The following SCNM1 variants were observed in gnomAD, a reference collection of about 807,000 sequenced individuals.
SCNM1 encodes the protein sodium channel modifier 1.
A neutral mutation model predicts 32.8 loss-of-function variants in SCNM1; 24 were observed. That is an observed-to-expected ratio of 0.73 (90% CI 0.53 to 1.03). The LOEUF (loss-of-function observed/expected upper bound fraction) is 1.03, where lower values mean the gene tolerates loss of function less well. Ranked by LOEUF, SCNM1 falls within the 50% of genes least tolerant of loss-of-function variation. SCNM1 has a pLI of 0.00. For missense variants in SCNM1, 274 were observed against 282.3 expected, an observed-to-expected ratio of 0.97 and a Z score of 0.21; for synonymous variants, 99 against 103.2, an observed-to-expected ratio of 0.96 and a Z score of 0.25.
In SCNM1 at chr1:151,169,245, T is replaced by G; in HGVS notation, c.*160T>G. The G allele has an allele frequency of 2.0e-6, 1 of 507,542 alleles. No individual in the cohort carries two copies. Among genetic ancestry groups the G allele is most frequent in the Non-Finnish European group, 3.1e-6 (1 of 320,586 alleles). 31.4% of individuals were successfully genotyped at this position (507,542 alleles called of 1,614,324 possible). On this transcript the variant is annotated 3_prime_UTR_variant, in exon 7 of 7. Coordinates refer to ENST00000368905, the MANE Select transcript of SCNM1 (RefSeq NM_024041.4). ...GTACACAGCTCTCCACACTCCTTTT[T>G]TTTTTTTTTTTTTTTTTGAGGCAGA...
At chr1:151,166,301 A>C in intron 1 of SCNM1, 98 bp downstream of exon 1, 1 of 1,544,106 alleles carries the variant, frequency 6.5e-7, no homozygotes, top group South Asian at 1.2e-5. Flanking sequence ...TCGGGGGTGC[A>C]GGAGAGAACC....
At chr1:151,166,296 GGTGCAGGAGAGAACCAGGC>G (rs1238895496) in intron 1 of SCNM1, 93 bp downstream of exon 1, 9 of 1,544,508 alleles carry the variant, frequency 5.8e-6, no homozygotes, top group Non-Finnish European at 7.9e-6. Flanking sequence ...ACAACTCGGG[GGTGCAGGAGAGAACCAGGC>G]GACTTAGAGC....
At chr1:151,167,437 G>A in intron 5 of SCNM1, 23 bp downstream of exon 5, 2 of 1,613,970 alleles carry the variant, frequency 1.2e-6, no homozygotes, top group Non-Finnish European at 8.5e-7. Context: ...AAAGCCAGAG[G>A]TAGGAAGGCT....
intron 2 of SCNM1, 54 bp downstream of exon 2, chr1:151,166,595 G>C (rs1683713807): frequency 2.6e-6 from 4 of 1,560,400 alleles, no homozygotes; most frequent in Non-Finnish European, 3.5e-6. Flanking sequence ...AGGCTCAATA[G>C]ACTTTTTTTT....
intron 5 of SCNM1, 68 bp downstream of exon 5, chr1:151,167,482 A>C (rs776494864): frequency 6.3e-7 from 1 of 1,582,140 alleles, no homozygotes; most frequent in Admixed American, 1.7e-5. Context: ...AGAGTTTTCC[A>C]GTGTGTATTC....
rs751543930 is a variant in SCNM1, at chr1:151,169,536, A to G, written c.*451A>G. The stretch of plus-strand genomic sequence containing the variant: ...TGGGATTACAGGCATGAGCCACCGC[A>G]CCCAGCCACGGCTATCCATACTTCT... On this transcript the variant is annotated 3_prime_UTR_variant, in exon 7 of 7. Coordinates refer to ENST00000368905, the MANE Select transcript of SCNM1 (RefSeq NM_024041.4). 1.1e-3 allele frequency: 192 copies of G among 179,266 alleles called. No individual in the cohort carries two copies. The highest frequency in any genetic ancestry group is 1.6e-3 in the Non-Finnish European group (134 of 83,348). 11.1% of individuals were successfully genotyped at this position (179,266 alleles called of 1,614,324 possible).
At position 151,168,254 on chromosome 1, in the gene SCNM1, C is replaced by T. The variant is rs1436780811; in HGVS notation, c.509C>T (p.Ala170Val). ...REPEPAAGPQ[A>V]EESATVSAPA... ...CCTGAACCTGCGGCTGGCCCACAGGCCGAGGAGTCAGCAACTGTCTCAGCC... is the reference window on the plus strand; with the variant it reads ...CCTGAACCTGCGGCTGGCCCACAGGTCGAGGAGTCAGCAACTGTCTCAGCC... The change falls in exon 6 of 7, where the codon GCC (alanine) becomes GTC (valine). Residue 170 changes from alanine (A) to valine (V), a missense_variant. Ala to Val is a moderately conservative substitution (Grantham distance 64). Transcript: ENST00000368905. 1.2e-6 allele frequency: 2 copies of T among 1,614,200 alleles called. No homozygotes were observed. The highest frequency in any genetic ancestry group is 2.2e-5 in the East Asian group (1 of 44,886).
rs753806618 is a variant in SCNM1 at position 151,167,389 on chromosome 1, A to G, written c.373A>G (p.Asn125Asp). ...TGCTCTGCACAGAGCTCCCCACTAT[A>G]ACAGTTGCTGCCGCCGGAAGTACAG... ...QSALHRAPHYNSCCRRKYRPE... is the reference protein window; with the variant it reads ...QSALHRAPHYDSCCRRKYRPE... Residue 125 changes from asparagine (N) to aspartate (D), a missense_variant, in exon 5 of 7, where the codon AAC becomes GAC. Transcript: ENST00000368905. 2.5e-6 allele frequency: 4 copies of G among 1,614,152 alleles called. No homozygotes were observed. The highest frequency in any genetic ancestry group is 3.4e-6 in the Non-Finnish European group (4 of 1,180,030).
At chr1:151,167,510 C>A in intron 5 of SCNM1, 96 bp downstream of exon 5, 1 of 1,509,480 alleles carries the variant, frequency 6.6e-7, no homozygotes, top group South Asian at 1.1e-5. Context: ...TACTAGTGTT[C>A]TGGAGATGTT....
intron 6 of SCNM1, among the ~76,000 whole-genome samples, 161 bp downstream of exon 6, chr1:151,168,499 C>T (rs1206801424): frequency 6.6e-6 from 1 of 152,026 alleles, no homozygotes; most frequent in Admixed American, 6.6e-5. Context: ...ACCTCCACCT[C>T]CTGGGTTCAA....
chr1:151,166,990 C>G lies in SCNM1; in HGVS notation c.179C>G (p.Thr60Ser). 1 of 1,614,182 alleles carries G rather than the reference C, an allele frequency of 6.2e-7. No individual in the cohort carries two copies. The highest frequency in any genetic ancestry group is 8.5e-7 in the Non-Finnish European group (1 of 1,180,036). ...RPVLDTLAML[T>S]AHRAGKKHLS... The stretch of plus-strand genomic sequence containing the variant: ...GTACTGGACACCCTGGCCATGCTGA[C>G]TGCCCACCGTGCAGGCAAGAAACAT... Residue 60 changes from threonine (T) to serine (S), a missense_variant, in exon 3 of 7, where the codon ACT (threonine) becomes AGT (serine). By Grantham distance (58) the Thr-to-Ser change is moderately conservative. Transcript: ENST00000368905.
chr1:151,170,193 C>T lies in SCNM1; in HGVS notation c.*1108C>T. 2 of 1,515,690 alleles carry T rather than the reference C, an allele frequency of 1.3e-6. No homozygotes were observed. The highest frequency in any genetic ancestry group is 1.8e-6 in the Non-Finnish European group (2 of 1,093,788). 93.9% of individuals were successfully genotyped at this position (1,515,690 alleles called of 1,614,324 possible). A position where few individuals can be genotyped will look rare whatever the true frequency, so the allele number is the denominator to read the frequency against. On this transcript the variant is annotated 3_prime_UTR_variant, in exon 7 of 7. Coordinates refer to ENST00000368905, the MANE Select transcript of SCNM1 (RefSeq NM_024041.4). Reference sequence around the variant, plus strand: ...TCTCCTTTCCAGTCCCTTAGCCAAACTCATAAATTGGTAGTGTCTTAGGCC... The same window carrying T: ...TCTCCTTTCCAGTCCCTTAGCCAAATTCATAAATTGGTAGTGTCTTAGGCC...
At chr1:151,168,703 C>T (rs1432925399) in intron 6 of SCNM1, among the ~76,000 whole-genome samples, 5 of 151,734 alleles carry the variant, frequency 3.3e-5, no homozygotes, top group African/African-American at 7.3e-5. Flanking sequence ...CCACCGCACC[C>T]GGACTCCCAT....
chr1:151,166,237 C>A, intron 1 of SCNM1, 34 bp downstream of exon 1: 1 of 1,574,142 alleles, frequency 6.4e-7, no homozygotes, highest in Non-Finnish European at 8.6e-7. Context: ...GGAGCCGCTT[C>A]AGTCGCTCCC....
Position 151,169,138 on chromosome 1 carries a change from A to AGGAAAGTTAAGTT in SCNM1, c.*53_*54insGGAAAGTTAAGTT. On this transcript the variant is annotated 3_prime_UTR_variant, in exon 7 of 7. Transcript: ENST00000368905. ...AATTACAATGGGTGCTGAGAACTTA[A>AGGAAAGTTAAGTT]CTTTCCTTAAGTCTGGTTCCTTGTT... The AGGAAAGTTAAGTT allele has an allele frequency of 6.2e-7, 1 of 1,605,386 alleles. No homozygotes were observed. The highest frequency in any genetic ancestry group is 8.5e-7 in the Non-Finnish European group (1 of 1,173,306).
intron 2 of SCNM1, 68 bp downstream of exon 2, chr1:151,166,609 T>C (rs587716530): frequency 5.1e-5 from 80 of 1,560,900 alleles, no homozygotes; most frequent in Non-Finnish European, 6.4e-5. Flanking sequence ...TTTTTTTTTT[T>C]TTCCTTTGAG....
At chr1:151,166,680 C>A in intron 2 of SCNM1, 139 bp downstream of exon 2, 2 of 1,395,860 alleles carry the variant, frequency 1.4e-6, no homozygotes, top group Non-Finnish European at 1.9e-6. Context: ...GTGATCCTGC[C>A]TCCTCAGCGT....
In SCNM1 at chr1:151,168,255, C is replaced by G. The variant is rs147396420; in HGVS notation, c.510C>G (p.Ala170=). The G allele has an allele frequency of 7.5e-5, 121 of 1,614,154 alleles. No individual in the cohort carries two copies. In the African/African-American group the frequency reaches 1.5e-3, roughly 19 times the overall value. Residue 170 remains alanine (A), a synonymous_variant, in exon 6 of 7, where the codon GCC becomes GCG. Transcript: ENST00000368905. ...CTGAACCTGCGGCTGGCCCACAGGC[C>G]GAGGAGTCAGCAACTGTCTCAGCCC... The part of the protein sequence containing the change: ...REPEPAAGPQ[A]EESATVSAPA...
chr1:151,168,953 C>A, intron 6 of SCNM1, 33 bp from the exon 7 acceptor site: 1 of 1,613,274 alleles, frequency 6.2e-7, no homozygotes, highest in South Asian at 1.1e-5. Flanking sequence ...AAGCCTCTTT[C>A]CTGATCGATG....
Sources: gnomAD v4.1 joint callset for allele counts (sites outside exome capture counted in the v4.1 genomes callset) on GRCh38, gnomAD v4.1.1 for gene constraint, MANE v1.5 for transcripts, NCBI Gene and HGNC (gene_info 2026-07-23, HGNC 2026-07-21) for gene names.